LPAR3: variants seen among roughly 807,000 people sequenced by gnomAD.
The protein encoded by LPAR3 is LPA receptor 3.
In LPAR3, 7 loss-of-function variants were observed where a neutral mutation model predicts 17.8. The ratio of observed to expected loss-of-function variants is 0.39; its 90% CI spans 0.22 to 0.74. The LOEUF is 0.74. Ranked by LOEUF, LPAR3 falls within the 30% of genes least tolerant of loss-of-function variation. The pLI is 0.40. For synonymous variants in LPAR3, 179 were observed against 179.9 expected (o/e 0.99, Z 0.04); for missense variants, 391 against 453.4 (o/e 0.86, Z 1.25).
chr1:84,819,974 C>A (rs954274533), intron 2 of LPAR3, among the ~76,000 whole-genome samples: 5 of 152,208 alleles, frequency 3.3e-5, no homozygotes, highest in African/African-American at 1.2e-4. Context: ...TCCTCTCTAG[C>A]ATTTCCTGAG....
chr1:84,872,862 A>G (rs1660182301), intron 1 of LPAR3, among the ~76,000 whole-genome samples: 1 of 152,206 alleles, frequency 6.6e-6, no homozygotes, highest in African/African-American at 2.4e-5. Flanking sequence ...ATCAACAGTG[A>G]TAAGTCATAT....
chr1:84,884,834 T>C (rs1660429053), intron 1 of LPAR3, among the ~76,000 whole-genome samples: 1 of 152,246 alleles, frequency 6.6e-6, no homozygotes, highest in Non-Finnish European at 1.5e-5. Context: ...CTCTGTTGGA[T>C]GTTCCTGGAA....
chr1:84,883,022 C>T (rs1039358662), intron 1 of LPAR3, among the ~76,000 whole-genome samples: 1 of 152,140 alleles, frequency 6.6e-6, no homozygotes, highest in African/African-American at 2.4e-5. Flanking sequence ...TAGACTAGCC[C>T]CTAACAAACA....
chr1:84,875,454 T>C (rs982103448), intron 1 of LPAR3, among the ~76,000 whole-genome samples: 3 of 151,014 alleles, frequency 2.0e-5, no homozygotes, highest in Non-Finnish European at 2.9e-5. Flanking sequence ...AGAGAGTGGA[T>C]TTGTTATCAC....
rs780119279 is a variant in LPAR3, at chr1:84,866,143, A to G, written c.-18-5T>C. 6.5e-7 allele frequency: 1 copy of G among 1,532,532 alleles called. No individual in the cohort carries two copies. The highest frequency in any genetic ancestry group is 1.3e-5 in the South Asian group (1 of 78,700). The allele number at this position is 1,532,532 out of a possible 1,614,324, so 94.9% of individuals were successfully genotyped here. The stretch of plus-strand genomic sequence containing the variant: ...CATTGTGGAGAAGTGAACATCCTAG[A>G]AAGAAATTTAAAGAAGAAACAAATA... On this transcript the variant is annotated splice_region_variant and splice_polypyrimidine_tract_variant and intron_variant, in intron 1 of 2. Transcript: ENST00000370611.
chr1:84,817,048 C>T (rs1331402232), intron 2 of LPAR3, among the ~76,000 whole-genome samples: 1 of 152,126 alleles, frequency 6.6e-6, no homozygotes, highest in Non-Finnish European at 1.5e-5. Context: ...AGATGCGTAC[C>T]TCTGGACACT....
intron 2 of LPAR3, among the ~76,000 whole-genome samples, chr1:84,824,243 T>C (rs1570858829): frequency 6.6e-6 from 1 of 152,076 alleles, no homozygotes; most frequent in African/African-American, 2.4e-5. Flanking sequence ...GGCACTGGGG[T>C]AGCGGTTGAA....
rs549882595 is a variant in LPAR3 at position 84,865,459 on chromosome 1, G to C, written c.662C>G (p.Ser221Cys). 5.0e-6 allele frequency: 8 copies of C among 1,614,174 alleles called. No homozygotes were observed. Among genetic ancestry groups the C allele is most frequent in the Non-Finnish European group, 5.9e-6 (7 of 1,180,040 alleles). ...VYVKRKTNVL[S>C]PHTSGSISRR... ...GCTGATGGACCCACTTGTATGCGGA[G>C]ACAAGACGTTGGTTTTCCTCTTGAC... Residue 221 changes from serine to cysteine, a missense_variant, in exon 2 of 3, where the codon TCT becomes TGT. Transcript: ENST00000370611.
At chr1:84,828,142 G>A (rs1659199364) in intron 2 of LPAR3, among the ~76,000 whole-genome samples, 1 of 151,898 alleles carries the variant, frequency 6.6e-6, no homozygotes, top group African/African-American at 2.4e-5. Context: ...TCTATTGCAG[G>A]CCCTCACTAA....
intron 2 of LPAR3, among the ~76,000 whole-genome samples, chr1:84,818,629 A>G (rs61067928): frequency 0.031 from 4,733 of 152,318 alleles, 273 homozygotes; most frequent in African/African-American, 0.11. Context: ...CTGTCTACTT[A>G]CCACCCAACT....
chr1:84,859,351 G>A (rs1659891031), intron 2 of LPAR3, among the ~76,000 whole-genome samples: 1 of 152,160 alleles, frequency 6.6e-6, no homozygotes, highest in Non-Finnish European at 1.5e-5. Flanking sequence ...ATCAATCTAA[G>A]TGGAGAGGAG....
Position 84,846,372 on chromosome 1 carries a change from G to T in LPAR3, c.736+19013C>A, listed in dbSNP as rs937356053. Among the ~76,000 whole-genome samples, 2 of 152,066 alleles carry T rather than the reference G, an allele frequency of 1.3e-5. 1 individual carries two copies. Among genetic ancestry groups the T allele is most frequent in the Admixed American group, 1.3e-4 (2 of 15,264 alleles). Reference sequence around the variant, plus strand: ...GAACTGCATACAATTTTTTATTTTCGTAATGCTATAGTGATAGGCTCCTGT... The same window carrying T: ...GAACTGCATACAATTTTTTATTTTCTTAATGCTATAGTGATAGGCTCCTGT... On this transcript the variant is annotated intron_variant, in intron 2 of 2. Coordinates refer to ENST00000370611, the MANE Select transcript of LPAR3 (RefSeq NM_012152.3).
At position 84,865,490 on chromosome 1, in the gene LPAR3, C is replaced by A; in HGVS notation, c.631G>T (p.Val211Leu). ...IMVVVYLRIY[V>L]YVKRKTNVLS... ...ACGTTGGTTTTCCTCTTGACGTACA[C>A]GTAGATCCGCAGGTACACCACAACC... Residue 211 changes from valine (V) to leucine (L), a missense_variant, in exon 2 of 3, where the codon GTG becomes TTG. By Grantham distance (32) the Val-to-Leu change is conservative. Coordinates refer to ENST00000370611, the MANE Select transcript of LPAR3 (RefSeq NM_012152.3). 5 of 1,614,132 alleles carry A rather than the reference C, an allele frequency of 3.1e-6. No homozygotes were observed. Among genetic ancestry groups the A allele is most frequent in the Non-Finnish European group, 4.2e-6 (5 of 1,180,042 alleles).
chr1:84,881,633 A>G (rs1660366034), intron 1 of LPAR3, among the ~76,000 whole-genome samples: 1 of 152,178 alleles, frequency 6.6e-6, no homozygotes, highest in African/African-American at 2.4e-5. Flanking sequence ...ACAGTCCAAG[A>G]AAGAATGTCC....
chr1:84,832,460 C>A (rs771421769), intron 2 of LPAR3, among the ~76,000 whole-genome samples: 2 of 151,998 alleles, frequency 1.3e-5, no homozygotes, highest in Non-Finnish European at 1.5e-5. Flanking sequence ...ATGGAATAGG[C>A]GAATGAGTCA....
chr1:84,872,279 A>G (rs1176012530), intron 1 of LPAR3, among the ~76,000 whole-genome samples: 2 of 152,156 alleles, frequency 1.3e-5, no homozygotes, highest in Non-Finnish European at 2.9e-5. Context: ...TCTTCTGCAT[A>G]TTCTCTAATT....
chr1:84,869,321 G>T (rs1019433797), intron 1 of LPAR3, among the ~76,000 whole-genome samples: 1 of 152,138 alleles, frequency 6.6e-6, no homozygotes, highest in Non-Finnish European at 1.5e-5. Context: ...GTCTGACAAA[G>T]TTGAGACATC....
chr1:84,848,937 G>A (rs1219635082), intron 2 of LPAR3, among the ~76,000 whole-genome samples: 1 of 152,128 alleles, frequency 6.6e-6, no homozygotes, highest in East Asian at 1.9e-4. Context: ...CGTCTCTGGA[G>A]CATCTTTCAA....
chr1:84,872,008 C>T (rs996964877), intron 1 of LPAR3, among the ~76,000 whole-genome samples: 3 of 152,172 alleles, frequency 2.0e-5, no homozygotes, highest in African/African-American at 7.2e-5. Flanking sequence ...TACGGTCTAT[C>T]TCCCCAACTT....
Sources: gnomAD v4.1 joint callset for allele counts (sites outside exome capture counted in the v4.1 genomes callset) on GRCh38, gnomAD v4.1.1 for gene constraint, MANE v1.5 for transcripts, NCBI Gene and HGNC (gene_info 2026-07-23, HGNC 2026-07-21) for gene names.